TM9SF3: variants seen among roughly 807,000 people sequenced by gnomAD.
TM9SF3 encodes the protein SM-11044-binding protein.
In TM9SF3, 14 loss-of-function variants were observed where a neutral mutation model predicts 78.6. The ratio of observed to expected loss-of-function variants is 0.18; its 90% confidence interval spans 0.12 to 0.28. The LOEUF (loss-of-function observed/expected upper bound fraction) is 0.28. Ranked by LOEUF, TM9SF3 falls within the 10% of genes least tolerant of loss-of-function variation. The pLI is 1.00. For missense variants in TM9SF3, 496 were observed against 721.9 expected (o/e 0.69, Z 3.59); for synonymous variants, 231 against 241.7 (o/e 0.96, Z 0.41).
chr10:96,552,835 C>T (rs1337043552), intron 6 of TM9SF3, 93 bp downstream of exon 6: 5 of 1,234,036 alleles, frequency 4.1e-6, no homozygotes, highest in African/African-American at 1.6e-5. Flanking sequence ...AACTCAAAGA[C>T]TTCCGGTAAG....
In TM9SF3 at chr10:96,521,822, C is replaced by T. The variant is rs556954832; in HGVS notation, c.*441G>A. ...GTAAAAATAAGAGGAAAAAAGTAAT[C>T]TTTCTGGAACATCATTTTTCAATAA... is the stretch of plus-strand genomic sequence containing the variant. On this transcript the variant is annotated 3_prime_UTR_variant, in exon 15 of 15. Coordinates refer to ENST00000371142, the MANE Select transcript of TM9SF3 (RefSeq NM_020123.4). 1 of 152,396 alleles carries T rather than the reference C, an allele frequency of 6.6e-6. No homozygotes were observed. Among genetic ancestry groups the T allele is most frequent in the Admixed American group, 6.6e-5 (1 of 15,174 alleles). 9.4% of individuals were successfully genotyped at this position (152,396 alleles called of 1,614,324 possible). A position where few individuals can be genotyped will look rare whatever the true frequency, so the allele number is the denominator to read the frequency against.
At chr10:96,586,139 G>A (rs996110482) in intron 1 of TM9SF3, among the ~76,000 whole-genome samples, 13 of 152,194 alleles carry the variant, frequency 8.5e-5, no homozygotes, top group African/African-American at 1.2e-4. Context: ...AACGCGTGTA[G>A]GTTGGGTGCA....
chr10:96,536,476 T>C (rs1039002770), intron 9 of TM9SF3, among the ~76,000 whole-genome samples: 40 of 152,206 alleles, frequency 2.6e-4, no homozygotes, highest in African/African-American at 9.4e-4. Context: ...TTTTACTTTA[T>C]TGTAAGAATA....
In TM9SF3 at chr10:96,520,844, G is replaced by C. The variant is rs1132914; in HGVS notation, c.*1419C>G. The C allele has an allele frequency of 0.17, 68,016 of 396,384 alleles. 6,341 individuals are homozygous for C. The highest frequency in any genetic ancestry group is 0.31 in the Admixed American group (6,918 of 22,646). The allele number at this position is 396,384 out of a possible 1,614,324, so 24.6% of individuals were successfully genotyped here. A position where few individuals can be genotyped will look rare whatever the true frequency, so the allele number is the denominator to read the frequency against. ...TGCTGGATAATCTAGATGTAAGCAA[G>C]TCTGGAGATTTTAAAATACGGGTCC... is the stretch of plus-strand genomic sequence containing the variant. On this transcript the variant is annotated 3_prime_UTR_variant, in exon 15 of 15. Coordinates refer to ENST00000371142, the MANE Select transcript of TM9SF3 (RefSeq NM_020123.4).
chr10:96,564,452 A>G (rs1848347037), intron 3 of TM9SF3, among the ~76,000 whole-genome samples: 1 of 152,250 alleles, frequency 6.6e-6, no homozygotes, highest in African/African-American at 2.4e-5. Flanking sequence ...AGTCATTTAT[A>G]TGATATACTA....
chr10:96,551,019 T>A (rs1304315705), intron 7 of TM9SF3, among the ~76,000 whole-genome samples: 2 of 152,220 alleles, frequency 1.3e-5, no homozygotes, highest in Non-Finnish European at 2.9e-5. Context: ...ATAACCTTTA[T>A]AACTAACCAC....
intron 9 of TM9SF3, among the ~76,000 whole-genome samples, chr10:96,536,412 T>C (rs960819149): frequency 2.0e-5 from 3 of 152,144 alleles, no homozygotes; most frequent in African/African-American, 7.2e-5. Context: ...TAACACTATG[T>C]ACCCACAAAA....
At chr10:96,562,210 C>T in intron 3 of TM9SF3, 72 bp from the exon 4 acceptor site, 1 of 957,400 alleles carries the variant, frequency 1.0e-6, no homozygotes, top group South Asian at 1.6e-5. Flanking sequence ...GCTAAATGCT[C>T]ATTAAGTTTT....
intron 2 of TM9SF3, among the ~76,000 whole-genome samples, chr10:96,572,805 C>T (rs758918914): frequency 2.0e-5 from 3 of 151,948 alleles, no homozygotes; most frequent in Non-Finnish European, 2.9e-5. Flanking sequence ...GGTGAGCCAC[C>T]GCGCCTGGCC....
At chr10:96,527,542 G>A in intron 12 of TM9SF3, 46 bp from the exon 13 acceptor site, 3 of 1,447,680 alleles carry the variant, frequency 2.1e-6, no homozygotes, top group South Asian at 1.2e-5. Flanking sequence ...TTGAATGAAT[G>A]GCACTAAAAC....
chr10:96,559,708 A>T lies in TM9SF3; in HGVS notation c.611T>A (p.Phe204Tyr), dbSNP rs750263428. The T allele has an allele frequency of 8.8e-6, 14 of 1,592,612 alleles. No homozygotes were observed. The highest frequency in any genetic ancestry group is 1.2e-5 in the Non-Finnish European group (14 of 1,167,222). Residue 204 changes from phenylalanine (F) to tyrosine (Y), a missense_variant, in exon 5 of 15, where the codon TTT becomes TAT. By Grantham distance (22) the Phe-to-Tyr change is conservative. Coordinates refer to ENST00000371142, the MANE Select transcript of TM9SF3 (RefSeq NM_020123.4). ...AAGATATTTGTCAAATCGATCTTCA[A>T]ATTTCACATCTGACTTTTTCCATTT... ...SVKWKKSDVK[F>Y]EDRFDKYLDP...
At chr10:96,559,101 T>C (rs1848271486) in intron 5 of TM9SF3, among the ~76,000 whole-genome samples, 1 of 152,220 alleles carries the variant, frequency 6.6e-6, no homozygotes. Flanking sequence ...TGTTTCTTTC[T>C]ACATGGAAGG....
chr10:96,530,712 A>C, intron 10 of TM9SF3, 104 bp from the exon 11 acceptor site: 1 of 1,063,360 alleles, frequency 9.4e-7, no homozygotes, highest in Non-Finnish European at 1.3e-6. Context: ...ATCATCTCTA[A>C]AGGATAGAAA....
In TM9SF3 at chr10:96,570,109, T is replaced by C. The variant is rs182863466; in HGVS notation, c.299-4683A>G. ...CCACATTTAAAAGAGTAATTAACAG[T>C]ATGGGGACAAGCTCATAAAATGTCA... is the stretch of plus-strand genomic sequence containing the variant. On this transcript the variant is annotated intron_variant, in intron 2 of 14. Coordinates refer to ENST00000371142, the MANE Select transcript of TM9SF3 (RefSeq NM_020123.4). Among the ~76,000 whole-genome samples, 336 of 152,290 alleles carry C rather than the reference T, an allele frequency of 2.2e-3. 5 individuals are homozygous for C. The highest frequency in any genetic ancestry group is 7.8e-3 in the African/African-American group (324 of 41,562).
Position 96,520,325 on chromosome 10 carries a change from A to G in TM9SF3, c.*1938T>C, listed in dbSNP as rs1249020897. 2 of 151,994 alleles carry G rather than the reference A, an allele frequency of 1.3e-5. No individual in the cohort carries two copies. Among genetic ancestry groups the G allele is most frequent in the African/African-American group, 4.8e-5 (2 of 41,538 alleles). The allele number at this position is 151,994 out of a possible 1,614,324, so 9.4% of individuals were successfully genotyped here. The stretch of plus-strand genomic sequence containing the variant: ...TAATATACCATTTTGGCTTCAGAAG[A>G]GGATTTACCTACAGCTTCTGATCAA... On this transcript the variant is annotated 3_prime_UTR_variant, in exon 15 of 15. Coordinates refer to ENST00000371142, the MANE Select transcript of TM9SF3 (RefSeq NM_020123.4).
chr10:96,528,611 G>C (rs1218235899), intron 11 of TM9SF3, among the ~76,000 whole-genome samples: 1 of 152,070 alleles, frequency 6.6e-6, no homozygotes, highest in Non-Finnish European at 1.5e-5. Context: ...TATAAAATTA[G>C]GAAAAGCAGG....
At chr10:96,524,385 C>G (rs538895571) in intron 14 of TM9SF3, among the ~76,000 whole-genome samples, 1 of 151,630 alleles carries the variant, frequency 6.6e-6, no homozygotes, top group African/African-American at 2.4e-5. Context: ...CCTTACGACA[C>G]GAAAAGATGT....
At chr10:96,527,908 C>T (rs951592019) in intron 12 of TM9SF3, 123 bp downstream of exon 12, 10 of 953,254 alleles carry the variant, frequency 1.0e-5, no homozygotes, top group Middle Eastern at 2.4e-4. Context: ...GAAAAAAATC[C>T]CTATGCTATT....
At chr10:96,537,119 C>G (rs1261551843) in intron 9 of TM9SF3, among the ~76,000 whole-genome samples, 1 of 152,110 alleles carries the variant, frequency 6.6e-6, no homozygotes, top group Non-Finnish European at 1.5e-5. Flanking sequence ...TTCAGTTGTA[C>G]GGGCAGGGGG....
Sources: gnomAD v4.1 joint callset for allele counts (sites outside exome capture counted in the v4.1 genomes callset) on GRCh38, gnomAD v4.1.1 for gene constraint, MANE v1.5 for transcripts, NCBI Gene and HGNC (gene_info 2026-07-23, HGNC 2026-07-21) for gene names.